MEF2C: variants seen among roughly 807,000 people sequenced by gnomAD.
The protein encoded by MEF2C is myocyte-specific enhancer factor 2C.
Under a neutral mutation model 50.5 loss-of-function variants are expected in MEF2C, and 6 were observed. The observed-to-expected ratio is 0.12, with a 90% CI of 0.07 to 0.23. The LOEUF (loss-of-function observed/expected upper bound fraction) is 0.23, where lower values mean the gene tolerates loss of function less well. Ranked by LOEUF, MEF2C falls within the 10% of genes least tolerant of loss-of-function variation. The probability of loss-of-function intolerance (pLI) is 1.00; values close to 1 mark genes in which losing one functional copy is unlikely to be tolerated. For synonymous variants in MEF2C, 183 were observed against 228.0 expected, an observed-to-expected ratio of 0.80 and a Z score of 1.78; for missense variants, 276 against 605.0, an observed-to-expected ratio of 0.46 and a Z score of 5.70.
intron 1 of MEF2C, among the ~76,000 whole-genome samples, chr5:88,877,536 C>G (rs1831439226): frequency 6.6e-6 from 1 of 151,894 alleles, no homozygotes; most frequent in Admixed American, 6.6e-5. Flanking sequence ...CAATGGTATT[C>G]TTTGTCATAG....
Position 88,823,943 on chromosome 5 carries a change from G to T in MEF2C, c.-142-13C>A. On this transcript the variant is annotated splice_polypyrimidine_tract_variant and intron_variant, in intron 1 of 10. Coordinates refer to ENST00000504921, the MANE Select transcript of MEF2C (RefSeq NM_002397.5). The stretch of plus-strand genomic sequence containing the variant: ...GCATTCGTTCCTGCTGAACAAAAAA[G>T]AAAAATTAAATACCACTCTAACAGC... 2 of 1,434,980 alleles carry T rather than the reference G, an allele frequency of 1.4e-6. No individual in the cohort carries two copies. The highest frequency in any genetic ancestry group is 2.4e-5 in the East Asian group (1 of 41,740). 88.9% of individuals were successfully genotyped at this position (1,434,980 alleles called of 1,614,324 possible). A position where few individuals can be genotyped will look rare whatever the true frequency, so the allele number is the denominator to read the frequency against.
chr5:88,775,291 C>T (rs1784250855), intron 3 of MEF2C, among the ~76,000 whole-genome samples: 2 of 152,080 alleles, frequency 1.3e-5, no homozygotes, highest in Non-Finnish European at 2.9e-5. Flanking sequence ...GCAGTTCCTG[C>T]TGTTTTATGG....
At chr5:88,893,529 A>G (rs948461357) in intron 1 of MEF2C, among the ~76,000 whole-genome samples, 1 of 151,918 alleles carries the variant, frequency 6.6e-6, no homozygotes, top group Non-Finnish European at 1.5e-5. Flanking sequence ...AGCCATTTCT[A>G]GGTAATTTTT....
intron 1 of MEF2C, among the ~76,000 whole-genome samples, chr5:88,865,005 T>A (rs1826833415): frequency 6.6e-6 from 1 of 152,030 alleles, no homozygotes; most frequent in Non-Finnish European, 1.5e-5. Flanking sequence ...TGACCTCAGA[T>A]GATCCACCTG....
At chr5:88,742,271 A>C (rs545223590) in intron 6 of MEF2C, 1 of 985,396 alleles carries the variant, frequency 1.0e-6, no homozygotes, top group Admixed American at 6.1e-5. Context: ...TCTCCAAATA[A>C]AATCTTATCA....
intron 5 of MEF2C, chr5:88,751,561 AG>A (rs1227247325): frequency 3.1e-6 from 3 of 980,824 alleles, no homozygotes; most frequent in Non-Finnish European, 3.6e-6. Context: ...CAGAAGTAAA[AG>A]TGTGGAGAAA....
chr5:88,789,755 A>G (rs1206414004), intron 3 of MEF2C, among the ~76,000 whole-genome samples: 1 of 152,184 alleles, frequency 6.6e-6, no homozygotes. Flanking sequence ...AGAATACACT[A>G]AACACCATTG....
intron 2 of MEF2C, among the ~76,000 whole-genome samples, chr5:88,819,628 A>G (rs1309093712): frequency 3.3e-5 from 5 of 152,006 alleles, no homozygotes. Flanking sequence ...ATGTAAATAA[A>G]GTACCTCCTA....
In MEF2C at chr5:88,722,346, AAAG is replaced by A; in HGVS notation, c.*255_*257del. 2.4e-6 allele frequency: 1 copy of A among 409,520 alleles called. No individual in the cohort carries two copies. The highest frequency in any genetic ancestry group is 5.7e-5 in the South Asian group (1 of 17,692). The allele number at this position is 409,520 out of a possible 1,614,324, so 25.4% of individuals were successfully genotyped here. A position where few individuals can be genotyped will look rare whatever the true frequency, so the allele number is the denominator to read the frequency against. ...ATTTTGCAAAGGAGCACAACAGTGA[AAAG>A]AAGTTAGCCTTAAAATCTATTTTGT... On this transcript the variant is annotated 3_prime_UTR_variant, in exon 11 of 11. Transcript: ENST00000504921.
chr5:88,782,816 C>G (rs545180559), intron 3 of MEF2C, among the ~76,000 whole-genome samples: 1 of 152,178 alleles, frequency 6.6e-6, no homozygotes, highest in Non-Finnish European at 1.5e-5. Flanking sequence ...ATTTACTGCT[C>G]GAGACCACGG....
intron 3 of MEF2C, among the ~76,000 whole-genome samples, chr5:88,773,358 T>C (rs1012382841): frequency 6.6e-6 from 1 of 152,190 alleles, no homozygotes; most frequent in Non-Finnish European, 1.5e-5. Flanking sequence ...CTTAGCAACA[T>C]CTGCCCCTCA....
At chr5:88,882,522 T>C (rs991960495) in intron 1 of MEF2C, among the ~76,000 whole-genome samples, 1 of 152,166 alleles carries the variant, frequency 6.6e-6, no homozygotes, top group Non-Finnish European at 1.5e-5. Context: ...GGCAAATCAG[T>C]GTCTTTGGGG....
In MEF2C at chr5:88,845,972, CTTGATA is replaced by C. The variant is rs895145979; in HGVS notation, c.-142-22048_-142-22043del. Among the ~76,000 whole-genome samples, 73 of 151,918 alleles carry C rather than the reference CTTGATA, an allele frequency of 4.8e-4. 2 individuals are homozygous for C. The highest frequency in any genetic ancestry group is 6.6e-5 in the Admixed American group (1 of 15,258). On this transcript the variant is annotated intron_variant, in intron 1 of 10. Transcript: ENST00000504921. ...ACATTGAATTTTCAGCCTATATCTT[CTTGATA>C]TGTACTTTCAGCTTATTAGAACTTT...
intron 2 of MEF2C, among the ~76,000 whole-genome samples, chr5:88,818,747 G>A (rs1282378426): frequency 6.6e-6 from 1 of 151,786 alleles, no homozygotes; most frequent in African/African-American, 2.4e-5. Flanking sequence ...GCTCCTTTGT[G>A]CTCCTGCTCT....
At chr5:88,729,755 A>AG (rs1279058473) in intron 8 of MEF2C, among the ~76,000 whole-genome samples, 5 of 152,300 alleles carry the variant, frequency 3.3e-5, no homozygotes, top group Admixed American at 2.0e-4. Context: ...GCAAATGAGT[A>AG]GGGGCTCATG....
chr5:88,824,710 A>C (rs572292283), intron 1 of MEF2C, among the ~76,000 whole-genome samples: 93 of 151,994 alleles, frequency 6.1e-4, no homozygotes, highest in Non-Finnish European at 7.4e-4. Context: ...CCTTCCTTTA[A>C]ATTTAAATAT....
chr5:88,740,105 G>A (rs1478388980), intron 6 of MEF2C: 3 of 985,246 alleles, frequency 3.0e-6, no homozygotes, highest in Non-Finnish European at 3.6e-6. Flanking sequence ...GGCATCAGAC[G>A]TTCTAAAAAG....
chr5:88,756,089 A>G (rs893558627), intron 4 of MEF2C, among the ~76,000 whole-genome samples: 2 of 152,232 alleles, frequency 1.3e-5, no homozygotes, highest in Admixed American at 6.5e-5. Flanking sequence ...AATTCATAAA[A>G]TATACCAAGA....
At chr5:88,819,398 C>A (rs535778369) in intron 2 of MEF2C, 2 of 984,674 alleles carry the variant, frequency 2.0e-6, no homozygotes, top group Admixed American at 1.2e-4. Flanking sequence ...CAAAGCTTTG[C>A]GATATCTGGG....
Sources: allele counts gnomAD v4.1 joint callset (sites outside exome capture counted in the v4.1 genomes callset), GRCh38; gene constraint gnomAD v4.1.1; transcripts MANE v1.5; gene names NCBI Gene and HGNC (gene_info 2026-07-23, HGNC 2026-07-21).